Variants in EPS15L1 observed in about 807,000 individuals in gnomAD.
EPS15L1 encodes epidermal growth factor receptor pathway substrate 15 like 1, also known as epidermal growth factor receptor substrate 15-like 1.
A neutral mutation model predicts 117.1 loss-of-function variants in EPS15L1; 43 were observed. That is an observed-to-expected ratio of 0.37 (90% CI 0.29 to 0.47). The LOEUF (loss-of-function observed/expected upper bound fraction) is 0.47. Ranked by LOEUF, EPS15L1 falls within the 20% of genes least tolerant of loss-of-function variation. EPS15L1 has a pLI of 0.99. For synonymous variants in EPS15L1, 459 were observed against 470.5 expected (o/e 0.98, Z 0.32); for missense variants, 981 against 1,164.0 (o/e 0.84, Z 2.29).
intron 22 of EPS15L1, among the ~76,000 whole-genome samples, chr19:16,362,460 G>A (rs2092068974): frequency 6.8e-6 from 1 of 146,272 alleles, no homozygotes. Context: ...GTTATTCGGT[G>A]TGTTAGTTAT....
At chr19:16,361,641 T>C in intron 23 of EPS15L1, 138 bp downstream of exon 23, 1 of 1,388,414 alleles carries the variant, frequency 7.2e-7, no homozygotes, top group Non-Finnish European at 9.4e-7. Context: ...GTAGAATAAA[T>C]AACGCGAGGG....
intron 12 of EPS15L1, among the ~76,000 whole-genome samples, chr19:16,414,636 T>C (rs2144904284): frequency 6.6e-6 from 1 of 151,998 alleles, no homozygotes; most frequent in South Asian, 2.1e-4. Context: ...CCTGACCTAG[T>C]GATCCGCCCG....
chr19:16,413,943 G>C (rs2092732240), intron 12 of EPS15L1, 98 bp from the exon 13 acceptor site: 8 of 868,066 alleles, frequency 9.2e-6, no homozygotes, highest in Non-Finnish European at 1.5e-5. Context: ...AAGCCCCTCT[G>C]TGTGCTGGCA....
intron 1 of EPS15L1, among the ~76,000 whole-genome samples, chr19:16,464,352 C>T (rs1054818543): frequency 5.9e-5 from 9 of 152,182 alleles, no homozygotes; most frequent in African/African-American, 1.7e-4. Context: ...CTCTGACCAG[C>T]GGTAAAACCC....
chr19:16,428,498 AG>A, intron 8 of EPS15L1, among the ~76,000 whole-genome samples: 1 of 104,278 alleles, frequency 9.6e-6, no homozygotes, highest in East Asian at 3.5e-4. Flanking sequence ...GGAGGGAGGG[AG>A]GGAGAGAGAG....
At chr19:16,395,607 G>T in intron 16 of EPS15L1, 140 bp from the exon 17 acceptor site, 1 of 917,292 alleles carries the variant, frequency 1.1e-6, no homozygotes, top group Non-Finnish European at 1.7e-6. Flanking sequence ...GTTCGAGGCT[G>T]GCCTGGGCAA....
intron 21 of EPS15L1, among the ~76,000 whole-genome samples, chr19:16,380,344 G>A (rs982204629): frequency 6.6e-6 from 1 of 152,188 alleles, no homozygotes; most frequent in African/African-American, 2.4e-5. Context: ...GGTCATTTAA[G>A]GCTCTAGCGT....
At chr19:16,414,347 C>T (rs936533790) in intron 12 of EPS15L1, among the ~76,000 whole-genome samples, 10 of 152,276 alleles carry the variant, frequency 6.6e-5, no homozygotes, top group South Asian at 2.1e-4. Context: ...GCCCAGCCGA[C>T]GCCTTGACCT....
At chr19:16,393,761 G>C (rs745967296) in intron 18 of EPS15L1, among the ~76,000 whole-genome samples, 190 bp downstream of exon 18, 11 of 152,108 alleles carry the variant, frequency 7.2e-5, no homozygotes, top group Non-Finnish European at 1.6e-4. Context: ...GCAGTGACTG[G>C]ACCTGGGGAG....
At chr19:16,445,215 G>A (rs1434188523) in intron 1 of EPS15L1, among the ~76,000 whole-genome samples, 4 of 152,192 alleles carry the variant, frequency 2.6e-5, no homozygotes, top group South Asian at 2.1e-4. Context: ...CAGAAGAGTC[G>A]CTGAAGGACA....
chr19:16,422,965 A>G (rs1385189627), intron 9 of EPS15L1, among the ~76,000 whole-genome samples: 2 of 139,988 alleles, frequency 1.4e-5, no homozygotes, highest in Admixed American at 7.0e-5. Context: ...CTCGGGGAAA[A>G]AAAAAGGGGG....
At chr19:16,449,936 T>C (rs2093123673) in intron 1 of EPS15L1, among the ~76,000 whole-genome samples, 1 of 152,110 alleles carries the variant, frequency 6.6e-6, no homozygotes, top group African/African-American at 2.4e-5. Flanking sequence ...TCACATAACA[T>C]CATTAAAATG....
intron 3 of EPS15L1, 100 bp from the exon 4 acceptor site, chr19:16,441,009 G>A: frequency 8.7e-7 from 1 of 1,150,282 alleles, no homozygotes; most frequent in East Asian, 2.3e-5. Flanking sequence ...GCCTTGCGGG[G>A]CAGGAGTGAC....
intron 4 of EPS15L1, among the ~76,000 whole-genome samples, chr19:16,440,349 C>G (rs1394136861): frequency 6.6e-6 from 1 of 150,714 alleles, no homozygotes; most frequent in African/African-American, 2.4e-5. Flanking sequence ...AGGGGAATCA[C>G]TTGATCCTGG....
chr19:16,394,082 C>G, intron 17 of EPS15L1, 81 bp from the exon 18 acceptor site: 1 of 1,266,404 alleles, frequency 7.9e-7, no homozygotes, highest in Non-Finnish European at 1.2e-6. Flanking sequence ...CCACCCACCT[C>G]CCAAGCCTTT....
chr19:16,357,298 A>AG (rs1442818029), intron 23 of EPS15L1: 1 of 152,228 alleles, frequency 6.6e-6, no homozygotes, highest in Non-Finnish European at 1.5e-5. Context: ...TGTGGGGAGC[A>AG]GGATACTAGG....
intron 1 of EPS15L1, among the ~76,000 whole-genome samples, chr19:16,468,987 T>A (rs994556476): frequency 1.3e-5 from 2 of 152,128 alleles, no homozygotes; most frequent in African/African-American, 4.8e-5. Flanking sequence ...ACCACTGCAC[T>A]CCAGCCTGGG....
At chr19:16,456,684 C>CTAT (rs1555769889) in intron 1 of EPS15L1, among the ~76,000 whole-genome samples, 3 of 150,868 alleles carry the variant, frequency 2.0e-5, no homozygotes, top group Non-Finnish European at 1.5e-5. Context: ...ACAAAACAAA[C>CTAT]AAAAAATAGA....
At chr19:16,386,065 C>G in intron 20 of EPS15L1, 106 bp downstream of exon 20, 2 of 891,698 alleles carry the variant, frequency 2.2e-6, no homozygotes, top group South Asian at 2.9e-5. Flanking sequence ...ACTGATGACA[C>G]AAACACAGAG....
Sources: gnomAD v4.1 joint callset for allele counts (sites outside exome capture counted in the v4.1 genomes callset) on GRCh38, gnomAD v4.1.1 for gene constraint, MANE v1.5 for transcripts, NCBI Gene and HGNC (gene_info 2026-07-23, HGNC 2026-07-21) for gene names.